Variants in ADGRV1 observed in about 807,000 individuals in gnomAD.
ADGRV1 encodes the protein adhesion G protein-coupled receptor V1.
Under a neutral mutation model 596.2 loss-of-function variants are expected in ADGRV1, and 359 were observed. That is an observed-to-expected ratio of 0.60 (90% CI 0.55 to 0.66). The LOEUF (loss-of-function observed/expected upper bound fraction) is 0.66. ADGRV1 is among the 30% of genes least tolerant of loss of function. ADGRV1 has a pLI of 0.00. For synonymous variants in ADGRV1, 2,681 were observed against 2,679.2 expected (o/e 1.00, Z -0.02); for missense variants, 7,274 against 7,575.6 (o/e 0.96, Z 1.48).
At position 90,861,936 on chromosome 5, in the gene ADGRV1, G is replaced by A. The variant is rs573445786; in HGVS notation, c.17756-1821G>A. On this transcript the variant is annotated intron_variant, in intron 82 of 89. Coordinates refer to ENST00000405460, the MANE Select transcript of ADGRV1 (RefSeq NM_032119.4). ...TTTTATCAATATTATTCTCCCCTAC[G>A]TAAAAAACGCATCTAGATAACTATG... Among the ~76,000 whole-genome samples the A allele has an allele frequency of 1.3e-4, 20 of 152,042 alleles. No homozygotes were observed. The South Asian group carries it at 3.3e-3, about 25-fold the overall frequency.
chr5:90,769,391 T>C (rs1012474964), intron 59 of ADGRV1, among the ~76,000 whole-genome samples: 35 of 152,192 alleles, frequency 2.3e-4, no homozygotes, highest in African/African-American at 7.5e-4. Flanking sequence ...GTCTTTCTCT[T>C]AGCAGAGTAA....
intron 28 of ADGRV1, among the ~76,000 whole-genome samples, chr5:90,684,685 A>G (rs1745380071): frequency 6.6e-6 from 1 of 152,110 alleles, no homozygotes; most frequent in Admixed American, 6.6e-5. Flanking sequence ...CCTCTTTTAC[A>G]TGGGGACTAA....
chr5:90,686,220 T>C (rs1580733612), intron 29 of ADGRV1, among the ~76,000 whole-genome samples: 1 of 149,836 alleles, frequency 6.7e-6, no homozygotes, highest in East Asian at 1.9e-4. Context: ...ATTTTTATTT[T>C]ATTATTATTA....
At chr5:91,038,416 A>G (rs1785079210) in intron 85 of ADGRV1, among the ~76,000 whole-genome samples, 1 of 152,214 alleles carries the variant, frequency 6.6e-6, no homozygotes, top group Non-Finnish European at 1.5e-5. Context: ...TGCAGACCTT[A>G]GAGTTAAGAG....
chr5:90,643,934 T>C lies in ADGRV1; in HGVS notation c.2685T>C (p.Asp895=), dbSNP rs1223735886. The C allele has an allele frequency of 6.2e-7, 1 of 1,612,176 alleles. No homozygotes were observed. Among genetic ancestry groups the C allele is most frequent in the African/African-American group, 1.3e-5 (1 of 74,892 alleles). The change falls in exon 14 of 90, where the codon GAT becomes GAC. Residue 895 remains aspartate (D), a synonymous_variant. Transcript: ENST00000405460. ...DPHGIIEFVS[D]GLIVMINESK... is the part of the protein sequence containing the mutation. ...ATGGCATTATAGAATTTGTTTCTGA[T>C]GGTCTAATTGTGATGATAAATGAAA...
chr5:90,618,429 C>T (rs1763639854), intron 3 of ADGRV1, among the ~76,000 whole-genome samples: 1 of 152,170 alleles, frequency 6.6e-6, no homozygotes, highest in African/African-American at 2.4e-5. Flanking sequence ...TAGGTTGAGG[C>T]AATGACTCGC....
chr5:90,621,048 T>G (rs535845224), intron 4 of ADGRV1, among the ~76,000 whole-genome samples: 28 of 152,298 alleles, frequency 1.8e-4, no homozygotes, highest in Non-Finnish European at 3.4e-4. Flanking sequence ...GTTTTATCTT[T>G]AGAAACAAAT....
At chr5:90,722,118 T>C (rs1035586829) in intron 45 of ADGRV1, among the ~76,000 whole-genome samples, 1 of 152,162 alleles carries the variant, frequency 6.6e-6, no homozygotes, top group Non-Finnish European at 1.5e-5. Flanking sequence ...TTTGAAGATA[T>C]TATTCACAGT....
chr5:91,101,580 AGGGTAATAAAGTCCCTT>A (rs1406497962), intron 86 of ADGRV1, among the ~76,000 whole-genome samples: 1 of 152,250 alleles, frequency 6.6e-6, no homozygotes, highest in Non-Finnish European at 1.5e-5. Context: ...ACAAGTGGAA[AGGGTAATAAAGTCCCTT>A]GGCCCTGAGA....
At chr5:90,977,994 C>A (rs1482254097) in intron 84 of ADGRV1, among the ~76,000 whole-genome samples, 1 of 152,080 alleles carries the variant, frequency 6.6e-6, no homozygotes, top group Non-Finnish European at 1.5e-5. Flanking sequence ...GTTTATTAAT[C>A]AATGAATAAA....
At chr5:90,751,448 C>T (rs967068369) in intron 53 of ADGRV1, among the ~76,000 whole-genome samples, 13 of 151,958 alleles carry the variant, frequency 8.6e-5, no homozygotes, top group African/African-American at 2.4e-4. Flanking sequence ...TCCTAGCAGC[C>T]GAGGGATGGG....
At chr5:90,853,687 A>G (rs956622097) in intron 80 of ADGRV1, among the ~76,000 whole-genome samples, 154 bp downstream of exon 80, 2 of 152,224 alleles carry the variant, frequency 1.3e-5, no homozygotes, top group East Asian at 3.8e-4. Context: ...CTATTTGTAG[A>G]AAGTTTAGTT....
At chr5:90,979,515 C>T (rs1289903574) in intron 84 of ADGRV1, among the ~76,000 whole-genome samples, 2 of 152,186 alleles carry the variant, frequency 1.3e-5, no homozygotes, top group East Asian at 1.9e-4. Context: ...TATAATCAGC[C>T]TTTACAAGGC....
rs1192416229 is a variant in ADGRV1, at chr5:90,814,210, AC to A, written c.16079-1406del. On this transcript the variant is annotated intron_variant, in intron 74 of 89. Transcript: ENST00000405460. ...CAGTCTGAAACAAAACACACATGAG[AC>A]CCTAGGACAAATGTAGCCCATCACT... 2.6e-5 allele frequency among the ~76,000 whole-genome samples: 4 copies of A among 152,272 alleles called. No individual in the cohort carries two copies. The East Asian group carries it at 7.7e-4, about 29-fold the overall frequency.
intron 42 of ADGRV1, among the ~76,000 whole-genome samples, chr5:90,715,799 A>T (rs958364937): frequency 6.6e-6 from 1 of 152,134 alleles, no homozygotes; most frequent in Admixed American, 6.5e-5. Context: ...AATGTCCTTC[A>T]ATCATAGGTT....
intron 11 of ADGRV1, among the ~76,000 whole-genome samples, chr5:90,641,701 A>G (rs1421105877): frequency 2.0e-5 from 3 of 152,164 alleles, no homozygotes; most frequent in South Asian, 2.1e-4. Context: ...ACATATTTCT[A>G]CATATGAATT....
At chr5:91,160,823 A>G (rs529821211) in intron 89 of ADGRV1, among the ~76,000 whole-genome samples, 2 of 152,276 alleles carry the variant, frequency 1.3e-5, no homozygotes, top group East Asian at 1.9e-4. Context: ...AGGGATGAGT[A>G]TCTGGATATT....
chr5:91,025,715 G>A (rs1024901234), intron 85 of ADGRV1, among the ~76,000 whole-genome samples: 9 of 152,106 alleles, frequency 5.9e-5, no homozygotes, highest in African/African-American at 1.7e-4. Context: ...GAAAAGGGCC[G>A]CAAAACCCAC....
In ADGRV1 at chr5:91,035,360, G is replaced by A. The variant is rs10041529; in HGVS notation, c.18153-37087G>A. On this transcript the variant is annotated intron_variant, in intron 85 of 89. Transcript: ENST00000405460. ...CAATGGACTATTAAGGAGTTTTGCT[G>A]AACAAATTATTTCCCCAAGAAGAAT... is the stretch of plus-strand genomic sequence containing the variant. Among the ~76,000 whole-genome samples, 122 of 152,072 alleles carry A rather than the reference G, an allele frequency of 8.0e-4. 1 individual carries two copies. The highest frequency in any genetic ancestry group is 2.7e-3 in the African/African-American group (113 of 41,404).
Sources: gnomAD v4.1 joint callset for allele counts (sites outside exome capture counted in the v4.1 genomes callset) on GRCh38, gnomAD v4.1.1 for gene constraint, MANE v1.5 for transcripts, NCBI Gene and HGNC (gene_info 2026-07-23, HGNC 2026-07-21) for gene names.